Variants in ADAMTS20 observed in about 807,000 individuals in gnomAD.
The protein encoded by ADAMTS20 is ADAM metallopeptidase with thrombospondin type 1 motif 20, also known as A disintegrin and metalloproteinase with thrombospondin motifs 20.
In ADAMTS20, 225 loss-of-function variants were observed where a neutral mutation model predicts 260.1. The ratio of observed to expected loss-of-function variants is 0.87; its 90% CI spans 0.78 to 0.97. The LOEUF (loss-of-function observed/expected upper bound fraction) is 0.97. Among genes scored for constraint, ADAMTS20 ranks in the 50% least tolerant of loss-of-function variants. The probability of loss-of-function intolerance (pLI) is 0.00; values close to 1 mark genes in which losing one functional copy is unlikely to be tolerated. For missense variants in ADAMTS20, 2,400 were observed against 2,337.7 expected, an observed-to-expected ratio of 1.03 and a Z score of -0.55; for synonymous variants, 802 against 769.5, an observed-to-expected ratio of 1.04 and a Z score of -0.70.
chr12:43,405,915 T>C (rs1592051812), intron 28 of ADAMTS20, among the ~76,000 whole-genome samples: 1 of 152,248 alleles, frequency 6.6e-6, no homozygotes. Context: ...GTATTATGTC[T>C]ATCCTATTGC....
intron 7 of ADAMTS20, among the ~76,000 whole-genome samples, chr12:43,474,432 C>A (rs975301251): frequency 6.6e-6 from 1 of 150,810 alleles, no homozygotes; most frequent in African/African-American, 2.4e-5. Context: ...TGGTACCATT[C>A]CTTGTGAAAC....
At chr12:43,457,562 C>A (rs7306845) in intron 11 of ADAMTS20, among the ~76,000 whole-genome samples, 17,560 of 152,232 alleles carry the variant, frequency 0.12, 1,139 homozygotes, top group Admixed American at 0.21. Context: ...TGAATTCCTG[C>A]CTTCCCAACT....
intron 7 of ADAMTS20, among the ~76,000 whole-genome samples, chr12:43,487,836 T>C (rs537577881): frequency 6.6e-6 from 1 of 152,206 alleles, no homozygotes; most frequent in South Asian, 2.1e-4. Context: ...ACTATAAAAA[T>C]GAAAATATTA....
chr12:43,537,640 C>T (rs1264880553), intron 2 of ADAMTS20, among the ~76,000 whole-genome samples: 1 of 151,928 alleles, frequency 6.6e-6, no homozygotes, highest in Non-Finnish European at 1.5e-5. Flanking sequence ...ACTCATTAAC[C>T]ATCCCCACCT....
intron 4 of ADAMTS20, among the ~76,000 whole-genome samples, chr12:43,500,591 T>C (rs1942744582): frequency 6.6e-6 from 1 of 152,232 alleles, no homozygotes; most frequent in South Asian, 2.1e-4. Context: ...ATACTTCTGT[T>C]GTCATTTTAA....
At chr12:43,506,158 C>CAACAACAACAACAAAAA (rs138056848) in intron 3 of ADAMTS20, among the ~76,000 whole-genome samples, 1 of 151,282 alleles carries the variant, frequency 6.6e-6, no homozygotes, top group African/African-American at 2.4e-5. Flanking sequence ...ACAACAACAA[C>CAACAACAACAACAAAAA]AAAGGAAGGA....
intron 6 of ADAMTS20, among the ~76,000 whole-genome samples, chr12:43,492,027 G>C (rs187037342): frequency 6.6e-6 from 1 of 152,092 alleles, no homozygotes; most frequent in African/African-American, 2.4e-5. Flanking sequence ...GCTTTTATTC[G>C]ATAGTTTCTT....
Position 43,432,760 on chromosome 12 carries a change from A to G in ADAMTS20, c.2772T>C (p.Tyr924=), listed in dbSNP as rs1362061618. The G allele has an allele frequency of 6.2e-7, 1 of 1,613,904 alleles. No individual in the cohort carries two copies. The highest frequency in any genetic ancestry group is 1.3e-5 in the African/African-American group (1 of 74,950). ...SECSSQCGQG[Y]RTLDIHCMKY... ...TCATGCAATGGATGTCCAAGGTTCT[A>G]TATCCTTGACCACATTGGGATGAAC... The change falls in exon 20 of 39, where the codon TAT becomes TAC. Residue 924 remains tyrosine, a synonymous_variant. Transcript: ENST00000389420.
intron 37 of ADAMTS20, among the ~76,000 whole-genome samples, chr12:43,363,160 G>A (rs546751423): frequency 6.6e-6 from 1 of 151,974 alleles, no homozygotes; most frequent in Non-Finnish European, 1.5e-5. Context: ...ACCTCAGCAA[G>A]ATGATCATTC....
chr12:43,494,743 T>C (rs1272919885), intron 4 of ADAMTS20, among the ~76,000 whole-genome samples: 1 of 148,018 alleles, frequency 6.8e-6, no homozygotes, highest in African/African-American at 2.7e-5. Context: ...GTTGAATTTA[T>C]ATATTCATTT....
chr12:43,416,783 AAGTGCTGGGATTAC>A (rs1941140393), intron 28 of ADAMTS20, among the ~76,000 whole-genome samples: 1 of 152,010 alleles, frequency 6.6e-6, no homozygotes, highest in African/African-American at 2.4e-5. Context: ...CGGCCTCCCA[AAGTGCTGGGATTAC>A]AGGCGTGAGC....
chr12:43,434,396 A>G, intron 18 of ADAMTS20, 25 bp from the exon 19 acceptor site: 1 of 1,547,678 alleles, frequency 6.5e-7, no homozygotes, highest in African/African-American at 1.4e-5. Flanking sequence ...AATGAAAATA[A>G]AAAATGAAAG....
rs534038347 is a variant in ADAMTS20, at chr12:43,358,791, C to G, written c.5539-2203G>C. 1.5e-3 allele frequency among the ~76,000 whole-genome samples: 216 copies of G among 143,250 alleles called. 4 individuals are homozygous for G. The highest frequency in any genetic ancestry group is 5.1e-3 in the African/African-American group (196 of 38,082). 94.0% of individuals were successfully genotyped at this position (143,250 alleles called of 152,430 possible). On this transcript the variant is annotated intron_variant, in intron 37 of 38. Coordinates refer to ENST00000389420, the MANE Select transcript of ADAMTS20 (RefSeq NM_025003.5). ...GGCGGAGCTTGCAGTGAGTCGAGAT[C>G]GCGCCACTGCACTCCAGCCTGGGCG...
At chr12:43,533,447 C>A (rs1706217588) in intron 2 of ADAMTS20, among the ~76,000 whole-genome samples, 2 of 114,588 alleles carry the variant, frequency 1.7e-5, no homozygotes, top group Non-Finnish European at 3.8e-5. Context: ...TCAAGGAGAA[C>A]TACAAACCAC....
At chr12:43,403,079 C>G (rs1051267616) in intron 28 of ADAMTS20, among the ~76,000 whole-genome samples, 1 of 152,078 alleles carries the variant, frequency 6.6e-6, no homozygotes, top group African/African-American at 2.4e-5. Flanking sequence ...TAGAGTTGTT[C>G]TAGTTGGCTG....
intron 28 of ADAMTS20, among the ~76,000 whole-genome samples, chr12:43,405,023 A>G (rs1167985167): frequency 6.6e-6 from 1 of 151,876 alleles, no homozygotes; most frequent in Non-Finnish European, 1.5e-5. Flanking sequence ...AATCAGTAAG[A>G]ACTAGAAGTA....
intron 37 of ADAMTS20, among the ~76,000 whole-genome samples, chr12:43,358,675 A>G (rs1789932821): frequency 6.6e-6 from 1 of 151,374 alleles, no homozygotes. Context: ...CGTCTCTACT[A>G]AAAATACAAA....
intron 28 of ADAMTS20, among the ~76,000 whole-genome samples, chr12:43,408,149 T>C (rs187944762): frequency 2.3e-4 from 35 of 152,324 alleles, no homozygotes; most frequent in African/African-American, 8.4e-4. Flanking sequence ...ATTTACTTTT[T>C]CTTAATGTTT....
At chr12:43,409,555 TCC>T (rs1460941684) in intron 28 of ADAMTS20, among the ~76,000 whole-genome samples, 1 of 111,426 alleles carries the variant, frequency 9.0e-6, no homozygotes, top group East Asian at 2.7e-4. Context: ...TGAGCCGAGA[TCC>T]CGCCACTGCA....
Sources: gnomAD v4.1 joint callset for allele counts (sites outside exome capture counted in the v4.1 genomes callset) on GRCh38, gnomAD v4.1.1 for gene constraint, MANE v1.5 for transcripts, NCBI Gene and HGNC (gene_info 2026-07-23, HGNC 2026-07-21) for gene names.